The following DCDC2 variants were observed in gnomAD, a reference collection of about 807,000 sequenced individuals.
DCDC2 encodes the protein doublecortin domain containing 2, also known as doublecortin domain-containing protein 2.
Under a neutral mutation model 50.2 loss-of-function variants are expected in DCDC2, and 40 were observed. The ratio of observed to expected loss-of-function variants is 0.80; its 90% CI spans 0.62 to 1.04. The LOEUF is 1.04. Ranked by LOEUF, DCDC2 falls within the 50% of genes least tolerant of loss-of-function variation. The pLI is 0.00. For synonymous variants in DCDC2, 234 were observed against 210.6 expected, an observed-to-expected ratio of 1.11 and a Z score of -0.96; for missense variants, 570 against 581.9, an observed-to-expected ratio of 0.98 and a Z score of 0.21.
chr6:24,236,554 TTAAAC>T (rs1256156133), intron 7 of DCDC2, among the ~76,000 whole-genome samples: 1 of 152,128 alleles, frequency 6.6e-6, no homozygotes, highest in African/African-American at 2.4e-5. Flanking sequence ...TGGGACCTAA[TTAAAC>T]TAAAGAGCTT....
At chr6:24,175,509 G>A (rs1032896222) in intron 9 of DCDC2, among the ~76,000 whole-genome samples, 1 of 152,146 alleles carries the variant, frequency 6.6e-6, no homozygotes, top group Admixed American at 6.5e-5. Context: ...ACCCAGTCTG[G>A]GGGACAGAGT....
chr6:24,258,402 C>T (rs542826122), intron 7 of DCDC2, among the ~76,000 whole-genome samples: 1 of 152,170 alleles, frequency 6.6e-6, no homozygotes, highest in African/African-American at 2.4e-5. Context: ...GATTGGTGCA[C>T]TTTTACAGAG....
At chr6:24,342,366 G>A (rs1423220323) in intron 2 of DCDC2, among the ~76,000 whole-genome samples, 1 of 152,072 alleles carries the variant, frequency 6.6e-6, no homozygotes, top group African/African-American at 2.4e-5. Context: ...ATGTTTATTT[G>A]CATGGAAGAA....
intron 8 of DCDC2, among the ~76,000 whole-genome samples, chr6:24,200,071 G>C (rs1349128062): frequency 6.6e-6 from 1 of 152,110 alleles, no homozygotes; most frequent in Non-Finnish European, 1.5e-5. Context: ...ATGAAACCAA[G>C]TTAGAAAACA....
chr6:24,300,980 A>G (rs1759358452), intron 4 of DCDC2, among the ~76,000 whole-genome samples: 1 of 152,126 alleles, frequency 6.6e-6, no homozygotes, highest in African/African-American at 2.4e-5. Context: ...TAAATGCACT[A>G]ATACTTCCTG....
chr6:24,226,772 G>A (rs896691314), intron 7 of DCDC2, among the ~76,000 whole-genome samples: 1 of 152,168 alleles, frequency 6.6e-6, no homozygotes, highest in South Asian at 2.1e-4. Flanking sequence ...TCCTGTGGGA[G>A]GTAGCAAGGA....
At chr6:24,366,825 G>T in the DCDC2 span, among the ~76,000 whole-genome samples, 1 of 151,220 alleles carries the variant, frequency 6.6e-6, no homozygotes, top group Admixed American at 6.7e-5. Flanking sequence ...CAAAATGCTG[G>T]ATCTTTTTTT....
intron 7 of DCDC2, among the ~76,000 whole-genome samples, chr6:24,222,715 G>GT (rs1370760816): frequency 2.0e-5 from 3 of 152,098 alleles, no homozygotes; most frequent in South Asian, 4.2e-4. Flanking sequence ...ATTATTTCTC[G>GT]TTAAAAATAA....
chr6:24,227,195 G>T (rs1336996425), intron 7 of DCDC2, among the ~76,000 whole-genome samples: 1 of 152,190 alleles, frequency 6.6e-6, no homozygotes, highest in Non-Finnish European at 1.5e-5. Context: ...AGTTAATTAG[G>T]CATTAAATAA....
chr6:24,297,577 T>C (rs1393108273), intron 4 of DCDC2, among the ~76,000 whole-genome samples: 3 of 152,220 alleles, frequency 2.0e-5, no homozygotes, highest in Non-Finnish European at 2.9e-5. Flanking sequence ...GTAAATTTTT[T>C]CATATTAATA....
intron 7 of DCDC2, among the ~76,000 whole-genome samples, chr6:24,235,822 C>T (rs561067832): frequency 6.6e-6 from 1 of 152,268 alleles, no homozygotes; most frequent in African/African-American, 2.4e-5. Flanking sequence ...AATGTACAAG[C>T]TGAGAGCCAA....
chr6:24,372,147 C>T, the DCDC2 span, among the ~76,000 whole-genome samples: 3 of 152,122 alleles, frequency 2.0e-5, no homozygotes, highest in South Asian at 2.1e-4. Context: ...ATAGGCCGGG[C>T]GCGGTGGCTC....
At chr6:24,329,736 C>A (rs761050012) in intron 2 of DCDC2, among the ~76,000 whole-genome samples, 16 of 152,152 alleles carry the variant, frequency 1.1e-4, no homozygotes, top group Non-Finnish European at 1.5e-4. Context: ...ACACAAAATC[C>A]ATCCCACATG....
At chr6:24,190,229 C>T (rs1240201962) in intron 8 of DCDC2, among the ~76,000 whole-genome samples, 1 of 152,114 alleles carries the variant, frequency 6.6e-6, no homozygotes, top group Non-Finnish European at 1.5e-5. Context: ...TAAGCCCCAC[C>T]AGTTCCTGTG....
At chr6:24,188,706 T>G (rs896084114) in intron 8 of DCDC2, among the ~76,000 whole-genome samples, 4 of 152,174 alleles carry the variant, frequency 2.6e-5, no homozygotes, top group Admixed American at 2.6e-4. Context: ...GACTAGCTCA[T>G]GCCTATGAGT....
rs1760788467 is a variant in DCDC2, at chr6:24,171,932, ATTGGT to A, written c.*2793_*2797del. The A allele has an allele frequency of 6.6e-6, 1 of 152,248 alleles. No individual in the cohort carries two copies. 9.4% of individuals were successfully genotyped at this position (152,248 alleles called of 1,614,324 possible). A position where few individuals can be genotyped will look rare whatever the true frequency, so the allele number is the denominator to read the frequency against. On this transcript the variant is annotated 3_prime_UTR_variant, in exon 10 of 10. Transcript: ENST00000378454. ...AAGAATTAACATATTAAAGCATTAT[ATTGGT>A]TATCACATAAAAGCATCATAAGTTT...
intron 7 of DCDC2, among the ~76,000 whole-genome samples, chr6:24,235,498 C>G (rs1034249078): frequency 1.1e-4 from 16 of 152,224 alleles, no homozygotes; most frequent in African/African-American, 3.9e-4. Flanking sequence ...TCAACATACA[C>G]AAATCAATAA....
intron 7 of DCDC2, among the ~76,000 whole-genome samples, chr6:24,209,359 G>T (rs1581587760): frequency 6.6e-6 from 1 of 152,132 alleles, no homozygotes; most frequent in African/African-American, 2.4e-5. Flanking sequence ...ATGTGCCATG[G>T]TTGTCTAGTT....
intron 7 of DCDC2, among the ~76,000 whole-genome samples, chr6:24,243,035 T>G (rs1246333849): frequency 6.6e-6 from 1 of 151,874 alleles, no homozygotes; most frequent in African/African-American, 2.4e-5. Flanking sequence ...GAGAAGGCAC[T>G]GGAGACTGCC....
Sources: gnomAD v4.1 joint callset for allele counts (sites outside exome capture counted in the v4.1 genomes callset) on GRCh38, gnomAD v4.1.1 for gene constraint, MANE v1.5 for transcripts, NCBI Gene and HGNC (gene_info 2026-07-23, HGNC 2026-07-21) for gene names.